Variants in DHTKD1 observed in about 807,000 individuals in gnomAD.
DHTKD1 encodes 2-oxoadipate dehydrogenase complex component E1.
Under a neutral mutation model 101.8 loss-of-function variants are expected in DHTKD1, and 78 were observed. That is an observed-to-expected ratio of 0.77 (90% CI 0.64 to 0.93). The LOEUF is 0.93. Ranked by LOEUF, DHTKD1 falls within the 40% of genes least tolerant of loss-of-function variation. DHTKD1 has a pLI of 0.00. For missense variants in DHTKD1, 1,223 were observed against 1,161.7 expected, an observed-to-expected ratio of 1.05 and a Z score of -0.77; for synonymous variants, 462 against 450.3, an observed-to-expected ratio of 1.03 and a Z score of -0.33.
rs1221040101 is a variant in DHTKD1 at position 12,069,119 on chromosome 10, G to C, written c.86G>C (p.Gly29Ala). The change falls in exon 1 of 17, where the codon GGC becomes GCC. Residue 29 changes from glycine to alanine, a missense_variant. Coordinates refer to ENST00000263035, the MANE Select transcript of DHTKD1 (RefSeq NM_018706.7). ...TGGCGTGGCTACCAGACCGAGCGGG[G>C]CGTTTACGGCTACCGGCCGAGGAAG... ...LFWRGYQTER[G>A]VYGYRPRKPE... 1 of 1,607,866 alleles carries C rather than the reference G, an allele frequency of 6.2e-7. No individual in the cohort carries two copies. The highest frequency in any genetic ancestry group is 2.2e-5 in the East Asian group (1 of 44,656).
intron 13 of DHTKD1, among the ~76,000 whole-genome samples, chr10:12,114,034 C>CTTTT (rs59823196): frequency 3.8e-5 from 5 of 129,978 alleles, no homozygotes; most frequent in Admixed American, 7.6e-5. Flanking sequence ...ATTTGTCATT[C>CTTTT]TTTTTTTTTT....
chr10:12,100,285 C>CTGTTTTTTTTTTTTT lies in DHTKD1; in HGVS notation c.1756+26_1756+40dup, dbSNP rs1833142384. On this transcript the variant is annotated intron_variant, in intron 9 of 16. Transcript: ENST00000263035. The stretch of plus-strand genomic sequence containing the variant: ...AAGGTAAGAATTTTCTTTTTTTTTT[C>CTGTTTTTTTTTTTTT]TGTTTTTTTTTTTTTTGAGTCTCAC... The CTGTTTTTTTTTTTTT allele has an allele frequency of 5.1e-4, 117 of 229,366 alleles. 6 individuals carry two copies. Among genetic ancestry groups the CTGTTTTTTTTTTTTT allele is most frequent in the Middle Eastern group, 1.4e-3 (1 of 714 alleles). The allele number at this position is 229,366 out of a possible 1,614,324, so 14.2% of individuals were successfully genotyped here.
chr10:12,114,954 A>C (rs995232277), intron 13 of DHTKD1, among the ~76,000 whole-genome samples: 2 of 151,252 alleles, frequency 1.3e-5, no homozygotes, highest in East Asian at 2.0e-4. Context: ...TGCCACCACG[A>C]CCTGCTAATT....
rs1246673651 is a variant in DHTKD1, at chr10:12,086,221, C to CTTTTT, written c.523-1310_523-1309insTTTTT. On this transcript the variant is annotated intron_variant, in intron 3 of 16. Transcript: ENST00000263035. Reference sequence around the variant, plus strand: ...TTAAAATTTATTTTTCTTTTGTTTTCTTTTCTTTTTTTTTTTTTTGAGATG... The same window carrying CTTTTT: ...TTAAAATTTATTTTTCTTTTGTTTTCTTTTTTTTTCTTTTTTTTTTTTTTGAGATG... 7.4e-4 allele frequency among the ~76,000 whole-genome samples: 58 copies of CTTTTT among 78,064 alleles called. 4 individuals carry two copies. The South Asian group carries it at 0.02, about 26-fold the overall frequency. The allele number at this position is 78,064 out of a possible 152,430, so 51.2% of individuals were successfully genotyped here. A position where few individuals can be genotyped will look rare whatever the true frequency, so the allele number is the denominator to read the frequency against.
intron 1 of DHTKD1, among the ~76,000 whole-genome samples, chr10:12,069,785 A>T (rs7074304): frequency 2.7e-5 from 4 of 145,600 alleles, no homozygotes; most frequent in African/African-American, 1.0e-4. Context: ...CTGATCCTGC[A>T]GCCTCGGCCT....
At chr10:12,095,812 C>CA (rs1185585860) in intron 7 of DHTKD1, among the ~76,000 whole-genome samples, 11 of 41,492 alleles carry the variant, frequency 2.7e-4, no homozygotes, top group South Asian at 1.8e-3. Context: ...GACTCCGTCT[C>CA]AAAAAAAAAA....
At position 12,091,520 on chromosome 10, in the gene DHTKD1, G is replaced by A. The variant is rs1473723209; in HGVS notation, c.995G>A (p.Gly332Asp). The A allele has an allele frequency of 6.3e-7, 1 of 1,597,694 alleles. No individual in the cohort carries two copies. The highest frequency in any genetic ancestry group is 8.5e-7 in the Non-Finnish European group (1 of 1,171,460). ...CCTTGCCTCATGATTTAGGTCCATGGTGATGCTTCTTTCTGTGGTCAAGGG... is the reference window on the plus strand; with the variant it reads ...CCTTGCCTCATGATTTAGGTCCATGATGATGCTTCTTTCTGTGGTCAAGGG... ...GDRVICLQVH[G>D]DASFCGQGIV... The change falls in exon 6 of 17, where the codon GGT (glycine) becomes GAT (aspartate). Residue 332 changes from glycine (G) to aspartate (D), a missense_variant. Gly to Asp is a moderately conservative substitution (Grantham distance 94). Coordinates refer to ENST00000263035, the MANE Select transcript of DHTKD1 (RefSeq NM_018706.7).
intron 1 of DHTKD1, among the ~76,000 whole-genome samples, chr10:12,080,682 G>T (rs946603583): frequency 6.7e-6 from 1 of 149,264 alleles, no homozygotes; most frequent in Non-Finnish European, 1.5e-5. Context: ...CTGCACTCCA[G>T]CCTGGGTGAC....
chr10:12,078,798 G>A (rs1398267341), intron 1 of DHTKD1, among the ~76,000 whole-genome samples: 2 of 152,074 alleles, frequency 1.3e-5, no homozygotes, highest in Non-Finnish European at 2.9e-5. Context: ...TCCTGCCTCA[G>A]CCTCCACAGG....
At chr10:12,120,602 CT>C (rs1301140465) in intron 16 of DHTKD1, among the ~76,000 whole-genome samples, 184 bp from the exon 17 acceptor site, 1 of 152,104 alleles carries the variant, frequency 6.6e-6, no homozygotes, top group Non-Finnish European at 1.5e-5. Flanking sequence ...TCCCAAAGCG[CT>C]GGGATTACAG....
intron 3 of DHTKD1, among the ~76,000 whole-genome samples, chr10:12,085,295 G>C (rs1287926556): frequency 6.6e-6 from 1 of 152,026 alleles, no homozygotes; most frequent in Non-Finnish European, 1.5e-5. Flanking sequence ...GGGTGACAGA[G>C]CGAGACTCTG....
Position 12,121,793 on chromosome 10 carries a change from A to AT in DHTKD1, c.*909dup, listed in dbSNP as rs1833531656. On this transcript the variant is annotated 3_prime_UTR_variant, in exon 17 of 17. Coordinates refer to ENST00000263035, the MANE Select transcript of DHTKD1 (RefSeq NM_018706.7). ...AAAGGAAAGTATGATAGTGTTATGG[A>AT]TTTTAGCTCTGAGTGAGCTGGAAAA... 6.6e-6 allele frequency: 1 copy of AT among 152,158 alleles called. No homozygotes were observed. Among genetic ancestry groups the AT allele is most frequent in the Admixed American group, 6.6e-5 (1 of 15,250 alleles). 9.4% of individuals were successfully genotyped at this position (152,158 alleles called of 1,614,324 possible).
intron 5 of DHTKD1, among the ~76,000 whole-genome samples, chr10:12,090,452 C>CT (rs1832974640): frequency 7.4e-6 from 1 of 136,000 alleles, no homozygotes; most frequent in African/African-American, 2.8e-5. Flanking sequence ...TCCTTCCTTC[C>CT]TTCCTTCCTT....
At chr10:12,079,778 C>G (rs1347899941) in intron 1 of DHTKD1, among the ~76,000 whole-genome samples, 4 of 152,166 alleles carry the variant, frequency 2.6e-5, no homozygotes, top group Non-Finnish European at 5.9e-5. Flanking sequence ...TCATATGACA[C>G]TGATGGAGAA....
intron 5 of DHTKD1, 55 bp from the exon 6 acceptor site, chr10:12,091,458 C>G: frequency 6.2e-6 from 4 of 640,150 alleles, no homozygotes; most frequent in South Asian, 2.7e-5. Context: ...ACCTAGATTT[C>G]TTAATCCCTT....
intron 13 of DHTKD1, among the ~76,000 whole-genome samples, chr10:12,114,299 AT>A (rs1223823337): frequency 1.1e-3 from 161 of 144,656 alleles, no homozygotes; most frequent in Middle Eastern, 3.6e-3. Flanking sequence ...TTAGTATTAA[AT>A]TTTTTTTTTT....
In DHTKD1 at chr10:12,097,804, T is replaced by C. The variant is rs573768738; in HGVS notation, c.1479T>C (p.Asn493=). The change falls in exon 8 of 17, where the codon AAT becomes AAC. Residue 493 remains asparagine (N), a synonymous_variant. Transcript: ENST00000263035. ...ATGCCAAGTTGAATGATCACTTAAA[T>C]AACATGGCCCACTACAGGCCCCCTG... is the stretch of plus-strand genomic sequence containing the variant. ...SYYAKLNDHL[N]NMAHYRPPAL... 1.4e-5 allele frequency: 22 copies of C among 1,614,228 alleles called. No individual in the cohort carries two copies. The highest frequency in any genetic ancestry group is 1.6e-4 in the Middle Eastern group (1 of 6,062).
At position 12,091,689 on chromosome 10, in the gene DHTKD1, G is replaced by A. The variant is rs765325409; in HGVS notation, c.1159+5G>A. On this transcript the variant is annotated splice_donor_5th_base_variant and intron_variant, in intron 6 of 16. Transcript: ENST00000263035. ...CTTTATACTGCAGTGATATTGGTACGTAACACAGGGAGGAACTGATATTGC... is the reference window on the plus strand; with the variant it reads ...CTTTATACTGCAGTGATATTGGTACATAACACAGGGAGGAACTGATATTGC... 1.6e-5 allele frequency: 25 copies of A among 1,612,314 alleles called. No homozygotes were observed. Among genetic ancestry groups the A allele is most frequent in the Admixed American group, 6.7e-5 (4 of 59,836 alleles).
chr10:12,087,358 G>A lies in DHTKD1; in HGVS notation c.523-177G>A. Among the ~76,000 whole-genome samples the A allele has an allele frequency of 6.6e-6, 1 of 152,022 alleles. No individual in the cohort carries two copies. The highest frequency in any genetic ancestry group is 1.9e-4 in the East Asian group (1 of 5,194). ...GCCCCTCCTACTGTCCCGGATCCTA[G>A]GAAAACCATCCCGCTGTGTCCGTGT... is the stretch of plus-strand genomic sequence containing the variant. On this transcript the variant is annotated intron_variant, in intron 3 of 16. Coordinates refer to ENST00000263035, the MANE Select transcript of DHTKD1 (RefSeq NM_018706.7). The surrounding 1 kb of genome is among the most constrained non-coding windows in gnomAD (Gnocchi z 5.2).
Sources: gnomAD v4.1 joint callset for allele counts (sites outside exome capture counted in the v4.1 genomes callset) on GRCh38, gnomAD v4.1.1 for gene constraint, Gnocchi (gnomAD v3.1) non-coding constraint, MANE v1.5 for transcripts, NCBI Gene and HGNC (gene_info 2026-07-23, HGNC 2026-07-21) for gene names.